R3HDM2: variants seen among roughly 807,000 people sequenced by gnomAD.
R3HDM2 encodes R3H domain-containing protein 2.
R3HDM2 carries 38 observed loss-of-function variants against 124.5 expected under a neutral mutation model. The observed-to-expected ratio is 0.31, with a 90% CI of 0.24 to 0.40. The LOEUF (loss-of-function observed/expected upper bound fraction) is 0.40, where lower values mean the gene tolerates loss of function less well. Ranked by LOEUF, R3HDM2 falls within the 10% of genes least tolerant of loss-of-function variation. R3HDM2 has a pLI of 1.00. For missense variants in R3HDM2, 869 were observed against 1,236.9 expected, an observed-to-expected ratio of 0.70 and a Z score of 4.46; for synonymous variants, 391 against 448.0, an observed-to-expected ratio of 0.87 and a Z score of 1.61.
intron 2 of R3HDM2, among the ~76,000 whole-genome samples, chr12:57,374,578 G>A (rs1053882706): frequency 1.3e-5 from 2 of 149,828 alleles, no homozygotes; most frequent in African/African-American, 2.5e-5. Flanking sequence ...AGCTACTTGG[G>A]AGGCTGAGGC....
intron 2 of R3HDM2, among the ~76,000 whole-genome samples, chr12:57,326,220 T>C (rs965368487): frequency 6.6e-6 from 1 of 152,200 alleles, no homozygotes; most frequent in African/African-American, 2.4e-5. Context: ...TTAATAACTC[T>C]ACAGTGGCCT....
intron 1 of R3HDM2, among the ~76,000 whole-genome samples, chr12:57,414,019 T>C (rs889703056): frequency 6.6e-6 from 1 of 150,764 alleles, no homozygotes; most frequent in Non-Finnish European, 1.5e-5. Context: ...CTAAATTTTT[T>C]TGTATTTTTA....
At chr12:57,282,193 C>T (rs1565950093) in intron 13 of R3HDM2, among the ~76,000 whole-genome samples, 1 of 151,726 alleles carries the variant, frequency 6.6e-6, no homozygotes, top group Non-Finnish European at 1.5e-5. Flanking sequence ...TGCCTGTGAT[C>T]ACAGCTACTC....
At chr12:57,324,722 T>C (rs779396851) in intron 2 of R3HDM2, among the ~76,000 whole-genome samples, 23 of 152,194 alleles carry the variant, frequency 1.5e-4, no homozygotes, top group Non-Finnish European at 2.5e-4. Flanking sequence ...ATCTCCATTG[T>C]AGCTAAATGA....
chr12:57,254,893 G>A lies in R3HDM2; in HGVS notation c.2853C>T (p.Pro951=). ...AALYTIVAVF[P]SPLAAQNASL... Reference sequence around the variant, plus strand: ...AGGCATTTTGGGCAGCCAGGGGGCTGGGGAACACAGCCACAATGGTGTACA... The same window carrying A: ...AGGCATTTTGGGCAGCCAGGGGGCTAGGGAACACAGCCACAATGGTGTACA... Residue 951 remains proline (P), a synonymous_variant, in exon 24 of 24, where the codon CCC becomes CCT. Transcript: ENST00000402412. The A allele has an allele frequency of 6.2e-7, 1 of 1,614,172 alleles. No individual in the cohort carries two copies. The highest frequency in any genetic ancestry group is 8.5e-7 in the Non-Finnish European group (1 of 1,180,014).
intron 2 of R3HDM2, among the ~76,000 whole-genome samples, chr12:57,358,993 C>A (rs1377104964): frequency 1.3e-5 from 2 of 151,734 alleles, no homozygotes; most frequent in East Asian, 3.9e-4. Flanking sequence ...TCTCGGCTCA[C>A]TGCAACCTCC....
rs1266723395 is a variant in R3HDM2 at position 57,310,457 on chromosome 12, T to C, written c.-29A>G. ...CTTCAATAGAATACAGTGGCCTCTA[T>C]GGACTCCTAAAGAAACATCAAATGC... is the stretch of plus-strand genomic sequence containing the variant. On this transcript the variant is annotated 5_prime_UTR_variant, in exon 3 of 24. Coordinates refer to ENST00000402412, the MANE Select transcript of R3HDM2 (RefSeq NM_001394031.1). 8 of 1,475,914 alleles carry C rather than the reference T, an allele frequency of 5.4e-6. No individual in the cohort carries two copies. The highest frequency in any genetic ancestry group is 7.2e-6 in the Non-Finnish European group (8 of 1,113,094). The allele number at this position is 1,475,914 out of a possible 1,614,324, so 91.4% of individuals were successfully genotyped here.
chr12:57,392,609 T>C (rs957337388), intron 2 of R3HDM2, among the ~76,000 whole-genome samples: 1 of 152,122 alleles, frequency 6.6e-6, no homozygotes, highest in African/African-American at 2.4e-5. Context: ...TTTTTTATTT[T>C]TGAGATGGAG....
chr12:57,323,315 A>G (rs2056761088), intron 2 of R3HDM2, among the ~76,000 whole-genome samples: 1 of 152,228 alleles, frequency 6.6e-6, no homozygotes, highest in Non-Finnish European at 1.5e-5. Context: ...AGTAAGAGAT[A>G]TAGGTCCAAA....
At chr12:57,335,396 C>T (rs1010422397) in intron 2 of R3HDM2, among the ~76,000 whole-genome samples, 2 of 151,304 alleles carry the variant, frequency 1.3e-5, no homozygotes, top group African/African-American at 2.4e-5. Context: ...TTAGTAGACA[C>T]GGGGTTTCAC....
intron 3 of R3HDM2, among the ~76,000 whole-genome samples, chr12:57,307,215 T>A (rs910236171): frequency 1.3e-5 from 2 of 152,156 alleles, no homozygotes; most frequent in Non-Finnish European, 2.9e-5. Context: ...CTCCAATTCA[T>A]AACAGGGACT....
At chr12:57,371,082 A>ATTTTTTTTTT (rs1491062795) in intron 2 of R3HDM2, among the ~76,000 whole-genome samples, 12 of 50,792 alleles carry the variant, frequency 2.4e-4, no homozygotes, top group Admixed American at 5.2e-4. Context: ...ATATACCATT[A>ATTTTTTTTTT]CTTTTTTTTT....
intron 1 of R3HDM2, among the ~76,000 whole-genome samples, chr12:57,396,142 TAA>T (rs1463956382): frequency 6.6e-6 from 1 of 152,142 alleles, no homozygotes; most frequent in Non-Finnish European, 1.5e-5. Context: ...TTTTACTCAT[TAA>T]AAAGAGTAGT....
At position 57,412,614 on chromosome 12, in the gene R3HDM2, A is replaced by C. The variant is rs550756114; in HGVS notation, c.-105-16796T>G. ...AAGGTCTGGGTTGAGAAGATTCCCT[A>C]CCTAAGAATATTTTAATTCAGAGAG... is the stretch of plus-strand genomic sequence containing the variant. On this transcript the variant is annotated intron_variant, in intron 1 of 23. Coordinates refer to ENST00000402412, the MANE Select transcript of R3HDM2 (RefSeq NM_001394031.1). 2.0e-5 allele frequency among the ~76,000 whole-genome samples: 3 copies of C among 152,284 alleles called. No homozygotes were observed. In the East Asian group the frequency reaches 5.8e-4, roughly 29 times the overall value.
At chr12:57,346,445 T>C (rs2060099753) in intron 2 of R3HDM2, among the ~76,000 whole-genome samples, 2 of 149,834 alleles carry the variant, frequency 1.3e-5, no homozygotes, top group African/African-American at 4.9e-5. Flanking sequence ...GCAACAAGAG[T>C]GAAACTCCAT....
intron 2 of R3HDM2, among the ~76,000 whole-genome samples, chr12:57,350,454 C>G (rs1389818129): frequency 6.6e-6 from 1 of 152,062 alleles, no homozygotes; most frequent in East Asian, 1.9e-4. Context: ...CAAAACTTCT[C>G]CCATATCTGG....
At chr12:57,277,194 G>GC (rs996873328) in intron 14 of R3HDM2, among the ~76,000 whole-genome samples, 15 of 151,840 alleles carry the variant, frequency 9.9e-5, no homozygotes, top group African/African-American at 3.4e-4. Context: ...ACAAAAGGGG[G>GC]CCCCGAGAAC....
intron 12 of R3HDM2, among the ~76,000 whole-genome samples, chr12:57,286,083 T>TGCTACCCAGATTCAATTTTGA (rs1171385155): frequency 1.6e-4 from 25 of 152,354 alleles, no homozygotes; most frequent in African/African-American, 5.5e-4. Flanking sequence ...AATTAGGGAA[T>TGCTACCCAGATTCAATTTTGA]GCTACCCAGA....
chr12:57,428,687 A>G (rs1471431825), intron 1 of R3HDM2, among the ~76,000 whole-genome samples: 2 of 152,162 alleles, frequency 1.3e-5, no homozygotes, highest in Non-Finnish European at 2.9e-5. Flanking sequence ...TTTTATTTTG[A>G]AAGAGAAAGG....
Sources: allele counts gnomAD v4.1 joint callset (sites outside exome capture counted in the v4.1 genomes callset), GRCh38; gene constraint gnomAD v4.1.1; transcripts MANE v1.5; gene names NCBI Gene and HGNC (gene_info 2026-07-23, HGNC 2026-07-21).